NEDD9: variants seen among roughly 807,000 people sequenced by gnomAD.
NEDD9 encodes the protein enhancer of filamentation 1.
In NEDD9, 26 loss-of-function variants were observed where a neutral mutation model predicts 76.6. The observed-to-expected ratio is 0.34, with a 90% CI of 0.25 to 0.47. The LOEUF is 0.47. Among genes scored for constraint, NEDD9 ranks in the 20% least tolerant of loss-of-function variants. The probability of loss-of-function intolerance (pLI) is 1.00; values close to 1 mark genes in which losing one functional copy is unlikely to be tolerated. For missense variants in NEDD9, 937 were observed against 1,058.5 expected (o/e 0.89, Z 1.59); for synonymous variants, 392 against 414.2 (o/e 0.95, Z 0.65).
At chr6:11,219,390 T>C (rs1393885707) in intron 1 of NEDD9, among the ~76,000 whole-genome samples, 1 of 152,192 alleles carries the variant, frequency 6.6e-6, no homozygotes, top group Non-Finnish European at 1.5e-5. Context: ...GCATCATCAA[T>C]GGCCCGGCTT....
Position 11,213,631 on chromosome 6 carries a change from T to C in NEDD9, c.109A>G (p.Thr37Ala). 6.2e-7 allele frequency: 1 copy of C among 1,614,186 alleles called. No homozygotes were observed. The stretch of plus-strand genomic sequence containing the variant: ...AGCCACCATCCTTCCAGTCCCCCTG[T>C]GTTCTGCTCTATGACGGTCAGGATG... Reference protein sequence around the residue: ...GDILTVIEQNTGGLEGWWLCS... With the variant: ...GDILTVIEQNAGGLEGWWLCS... Residue 37 changes from threonine (T) to alanine (A), a missense_variant, in exon 2 of 7, where the codon ACA becomes GCA. By Grantham distance (58) the Thr-to-Ala change is moderately conservative. Coordinates refer to ENST00000379446, the MANE Select transcript of NEDD9 (RefSeq NM_006403.4). The surrounding 1 kb of genome is among the most constrained non-coding windows in gnomAD (Gnocchi z 5.4).
intron 3 of NEDD9, among the ~76,000 whole-genome samples, chr6:11,264,931 T>C (rs1210801522): frequency 6.6e-6 from 1 of 152,198 alleles, no homozygotes; most frequent in Non-Finnish European, 1.5e-5. Flanking sequence ...ACTCCTAGGC[T>C]CAAGTGATCC....
intron 1 of NEDD9, among the ~76,000 whole-genome samples, chr6:11,358,493 G>C (rs1298443416): frequency 2.0e-5 from 3 of 152,096 alleles, no homozygotes; most frequent in African/African-American, 7.2e-5. Flanking sequence ...CTAGTTAACA[G>C]GAAAACTGTT....
rs768198197 is a variant in NEDD9, at chr6:11,213,732, G to A, written c.13-5C>T. On this transcript the variant is annotated splice_polypyrimidine_tract_variant and splice_region_variant and intron_variant, in intron 1 of 6. Transcript: ENST00000379446. This position sits in a 1 kb window ranked among gnomAD's most constrained non-coding sequence, Gnocchi z 5.4. ...TAAGGCCCTTGCCATAAGATTCTAGGAGGGAAGGAAGAGAAGGAAACCGTG... is the reference window on the plus strand; with the variant it reads ...TAAGGCCCTTGCCATAAGATTCTAGAAGGGAAGGAAGAGAAGGAAACCGTG... The A allele has an allele frequency of 5.6e-6, 9 of 1,612,922 alleles. No individual in the cohort carries two copies. The highest frequency in any genetic ancestry group is 1.1e-5 in the South Asian group (1 of 91,074).
chr6:11,295,458 C>T (rs571956803), intron 3 of NEDD9, among the ~76,000 whole-genome samples: 1 of 152,178 alleles, frequency 6.6e-6, no homozygotes, highest in African/African-American at 2.4e-5. Flanking sequence ...ACACTGGGGT[C>T]CATGACCTGA....
chr6:11,322,514 A>C (rs1761831279), intron 2 of NEDD9, among the ~76,000 whole-genome samples: 1 of 152,176 alleles, frequency 6.6e-6, no homozygotes, highest in Admixed American at 6.5e-5. Flanking sequence ...ATTGTCAGAC[A>C]TGTGGCTAAG....
At position 11,241,294 on chromosome 6, in the gene NEDD9, C is replaced by T. The variant is rs1463589834; in HGVS notation, c.13-27567G>A. On this transcript the variant is annotated intron_variant, in intron 3 of 3. Coordinates refer to the NEDD9 transcript ENST00000397378. The surrounding 1 kb of genome is among the most constrained non-coding windows in gnomAD (Gnocchi z 4.0). The stretch of plus-strand genomic sequence containing the variant: ...TTTGTGCTTCCTCTATATGTTCTTA[C>T]ATTTGAAAAGTCTTCCTGACTTCTC... Among the ~76,000 whole-genome samples, 2 of 152,188 alleles carry T rather than the reference C, an allele frequency of 1.3e-5. No homozygotes were observed. Among genetic ancestry groups the T allele is most frequent in the East Asian group, 3.8e-4 (2 of 5,202 alleles).
rs12211539 is a variant in NEDD9, at chr6:11,184,568, C to T, written c.*594G>A. ...CACATATATATTCTGAAATTTGCTC[C>T]GCAAGAGGGCTTTTGGGCACTTGGC... On this transcript the variant is annotated 3_prime_UTR_variant, in exon 7 of 7. Transcript: ENST00000379446. The T allele has an allele frequency of 0.13, 19,347 of 152,568 alleles. 1,548 individuals carry two copies. The highest frequency in any genetic ancestry group is 0.18 in the Non-Finnish European group (12,477 of 68,280). 9.5% of individuals were successfully genotyped at this position (152,568 alleles called of 1,614,324 possible).
At position 11,218,188 on chromosome 6, in the gene NEDD9, A is replaced by C. The variant is rs138708991; in HGVS notation, c.13-4461T>G. Among the ~76,000 whole-genome samples the C allele has an allele frequency of 6.5e-3, 984 of 152,258 alleles. 10 individuals are homozygous for C. The highest frequency in any genetic ancestry group is 0.022 in the African/African-American group (932 of 41,530). On this transcript the variant is annotated intron_variant, in intron 1 of 6. Coordinates refer to ENST00000379446, the MANE Select transcript of NEDD9 (RefSeq NM_006403.4). ...ATCTTCCTCTCTAAAAGCAAGTGCA[A>C]ACACCTTTTTCTCCTGCTTTGCTTT... is the stretch of plus-strand genomic sequence containing the variant.
At chr6:11,288,165 T>A (rs59238485) in intron 3 of NEDD9, among the ~76,000 whole-genome samples, 42,475 of 152,096 alleles carry the variant, frequency 0.28, 5,985 homozygotes, top group Admixed American at 0.34. Flanking sequence ...TTACGCAGGC[T>A]GGTTCAGCTG....
chr6:11,336,175 C>T (rs749903733), intron 1 of NEDD9, among the ~76,000 whole-genome samples: 2 of 152,226 alleles, frequency 1.3e-5, no homozygotes, highest in Admixed American at 6.5e-5. Context: ...GTGGAGTTAA[C>T]GGTTTTCTTT....
intron 2 of NEDD9, among the ~76,000 whole-genome samples, chr6:11,203,602 C>T (rs926382199): frequency 6.6e-6 from 1 of 152,172 alleles, no homozygotes; most frequent in African/African-American, 2.4e-5. Context: ...AGGCCTAAAA[C>T]GTCTGCAAAA....
chr6:11,251,690 CA>C (rs1759918825), intron 3 of NEDD9: 1 of 152,294 alleles, frequency 6.6e-6, no homozygotes. Flanking sequence ...TGGCCTCAGA[CA>C]CAGTGTTCAA....
intron 1 of NEDD9, among the ~76,000 whole-genome samples, chr6:11,345,099 A>G (rs1762340965): frequency 6.6e-6 from 1 of 152,194 alleles, no homozygotes; most frequent in African/African-American, 2.4e-5. Flanking sequence ...GGGCTTAGAA[A>G]GAGGGACCGG....
chr6:11,244,299 A>G (rs890201324), intron 3 of NEDD9, among the ~76,000 whole-genome samples: 3 of 152,096 alleles, frequency 2.0e-5, no homozygotes, highest in South Asian at 2.1e-4. Context: ...ACACACACAC[A>G]TAGATACACA....
intron 2 of NEDD9, among the ~76,000 whole-genome samples, chr6:11,323,187 A>G (rs1761849585): frequency 6.6e-6 from 1 of 152,256 alleles, no homozygotes; most frequent in Non-Finnish European, 1.5e-5. Flanking sequence ...CAGGATATAT[A>G]TATTTTGCAG....
At chr6:11,212,287 T>A (rs1758804791) in intron 2 of NEDD9, among the ~76,000 whole-genome samples, 1 of 152,194 alleles carries the variant, frequency 6.6e-6, no homozygotes, top group Admixed American at 6.5e-5. Flanking sequence ...TGCCAGCAAA[T>A]GAAAGAGAAA....
rs1270691313 is a variant in NEDD9, at chr6:11,199,803, G to GGCACCCGCCCACT, written c.460-6124_460-6112dup. 2.0e-5 allele frequency: 3 copies of GGCACCCGCCCACT among 152,550 alleles called. No homozygotes were observed. In the East Asian group the frequency reaches 5.8e-4, roughly 29 times the overall value. 9.4% of individuals were successfully genotyped at this position (152,550 alleles called of 1,614,324 possible). On this transcript the variant is annotated intron_variant, in intron 2 of 6. Coordinates refer to ENST00000379446, the MANE Select transcript of NEDD9 (RefSeq NM_006403.4). ...AGCCTTCCGAGTAGCTGGGACTACA[G>GGCACCCGCCCACT]GCACCCGCCCACTGCGCCCGCCACC...
intron 2 of NEDD9, among the ~76,000 whole-genome samples, chr6:11,329,326 C>T (rs1761988153): frequency 6.6e-6 from 1 of 152,194 alleles, no homozygotes; most frequent in African/African-American, 2.4e-5. Context: ...GAGCTTAGCA[C>T]ACTAGGCTCC....
Sources: gnomAD v4.1 joint callset for allele counts (sites outside exome capture counted in the v4.1 genomes callset) on GRCh38, gnomAD v4.1.1 for gene constraint, Gnocchi (gnomAD v3.1) non-coding constraint, MANE v1.5 for transcripts, NCBI Gene and HGNC (gene_info 2026-07-23, HGNC 2026-07-21) for gene names.